SOX6: variants seen among roughly 807,000 people sequenced by gnomAD.
SOX6 encodes the protein transcription factor SOX-6.
In SOX6, 11 loss-of-function variants were observed where a neutral mutation model predicts 97.8. The observed-to-expected ratio is 0.11, with a 90% CI of 0.07 to 0.19. The LOEUF (loss-of-function observed/expected upper bound fraction) is 0.19. Among genes scored for constraint, SOX6 ranks in the 10% least tolerant of loss-of-function variants. The pLI, the probability that SOX6 is intolerant of heterozygous loss-of-function variation, is 1.00. For synonymous variants in SOX6, 360 were observed against 371.4 expected (o/e 0.97, Z 0.35); for missense variants, 810 against 1,039.5 (o/e 0.78, Z 3.04).
At chr11:16,255,775 C>T (rs1853662491) in intron 3 of SOX6, among the ~76,000 whole-genome samples, 1 of 149,978 alleles carries the variant, frequency 6.7e-6, no homozygotes, top group Admixed American at 6.6e-5. Flanking sequence ...AAAAGAAAGC[C>T]AATAAAACCA....
chr11:16,624,435 C>A (rs944665134), intron 3 of SOX6, among the ~76,000 whole-genome samples: 2 of 152,106 alleles, frequency 1.3e-5, no homozygotes, highest in African/African-American at 2.4e-5. Flanking sequence ...ATCTGCCTCC[C>A]AAAGTGCTGG....
At chr11:16,450,667 A>G (rs2133095634) in intron 1 of SOX6, among the ~76,000 whole-genome samples, 1 of 152,362 alleles carries the variant, frequency 6.6e-6, no homozygotes, top group Non-Finnish European at 1.5e-5. Context: ...ATGTGGATCC[A>G]TAAAAATGTC....
At chr11:16,374,724 A>T (rs1481526584) in intron 1 of SOX6, among the ~76,000 whole-genome samples, 2 of 152,064 alleles carry the variant, frequency 1.3e-5, no homozygotes, top group Non-Finnish European at 2.9e-5. Flanking sequence ...TGCCTGTGAT[A>T]AATTTATCCA....
chr11:15,996,182 T>C (rs1854217876), intron 13 of SOX6, among the ~76,000 whole-genome samples: 1 of 152,116 alleles, frequency 6.6e-6, no homozygotes, highest in African/African-American at 2.4e-5. Context: ...AGGTGAAATA[T>C]GGAACAACAA....
At chr11:16,296,848 T>C (rs1855107839) in intron 3 of SOX6, among the ~76,000 whole-genome samples, 1 of 152,010 alleles carries the variant, frequency 6.6e-6, no homozygotes, top group South Asian at 2.1e-4. Flanking sequence ...GGTAATGTTA[T>C]GGGCACAAAG....
At chr11:16,737,174 A>G (rs1468228824) in intron 1 of SOX6, among the ~76,000 whole-genome samples, 1 of 152,236 alleles carries the variant, frequency 6.6e-6, no homozygotes, top group African/African-American at 2.4e-5. Flanking sequence ...GTTCTGAAAC[A>G]GCAGATATGT....
intron 3 of SOX6, among the ~76,000 whole-genome samples, chr11:16,653,877 T>C (rs891916581): frequency 6.6e-6 from 1 of 150,674 alleles, no homozygotes; most frequent in African/African-American, 2.4e-5. Flanking sequence ...TAGAGCTTTA[T>C]ATTTTAACAT....
chr11:16,596,815 A>G (rs1848217081), intron 4 of SOX6, among the ~76,000 whole-genome samples: 2 of 152,190 alleles, frequency 1.3e-5, no homozygotes. Context: ...TTATTACATA[A>G]TTTTCTAATT....
chr11:16,701,207 T>C (rs555959160), intron 3 of SOX6, among the ~76,000 whole-genome samples: 151 of 152,318 alleles, frequency 9.9e-4, no homozygotes, highest in Non-Finnish European at 1.2e-3. Context: ...AGTGTAGACA[T>C]AAAAAGCGTG....
chr11:16,332,247 A>C (rs2134325644), intron 2 of SOX6, among the ~76,000 whole-genome samples: 1 of 152,302 alleles, frequency 6.6e-6, no homozygotes, highest in South Asian at 2.1e-4. Flanking sequence ...GGATTACATT[A>C]GTTTAATCCT....
At chr11:16,238,564 C>A (rs1853094282) in intron 3 of SOX6, among the ~76,000 whole-genome samples, 1 of 152,010 alleles carries the variant, frequency 6.6e-6, no homozygotes, top group Non-Finnish European at 1.5e-5. Context: ...TTTTAAATTA[C>A]TTCTAGTCAG....
intron 3 of SOX6, among the ~76,000 whole-genome samples, chr11:16,620,358 G>T (rs1848527817): frequency 6.6e-6 from 1 of 152,274 alleles, no homozygotes; most frequent in South Asian, 2.1e-4. Flanking sequence ...TGTATCACTG[G>T]TTTTTTCATA....
chr11:16,510,684 G>T (rs1860867642), intron 4 of SOX6, among the ~76,000 whole-genome samples: 1 of 151,842 alleles, frequency 6.6e-6, no homozygotes, highest in African/African-American at 2.4e-5. Flanking sequence ...TAATACCCTG[G>T]CTCTTGCTTC....
intron 3 of SOX6, among the ~76,000 whole-genome samples, chr11:16,634,803 C>T (rs1317900644): frequency 1.3e-5 from 2 of 149,198 alleles, no homozygotes; most frequent in African/African-American, 4.8e-5. Flanking sequence ...CCATAATCCC[C>T]ATGTGTCGTG....
chr11:16,641,309 G>A (rs1044473977), intron 3 of SOX6, among the ~76,000 whole-genome samples: 6 of 152,152 alleles, frequency 3.9e-5, no homozygotes, highest in Non-Finnish European at 5.9e-5. Context: ...TGCATTTGCC[G>A]AGGAGTGCTT....
At chr11:16,560,490 T>C (rs371203289) in intron 4 of SOX6, among the ~76,000 whole-genome samples, 9 of 146,754 alleles carry the variant, frequency 6.1e-5, no homozygotes, top group South Asian at 2.1e-4. Flanking sequence ...TGTTTATACG[T>C]ACATATATGT....
At chr11:16,154,979 C>T (rs902779688) in intron 6 of SOX6, among the ~76,000 whole-genome samples, 10 of 151,834 alleles carry the variant, frequency 6.6e-5, no homozygotes, top group African/African-American at 2.4e-4. Flanking sequence ...ACTATCGCTC[C>T]TTCTTTTCTG....
intron 10 of SOX6, among the ~76,000 whole-genome samples, chr11:16,053,347 G>A (rs928507183): frequency 6.6e-6 from 1 of 152,000 alleles, no homozygotes; most frequent in Non-Finnish European, 1.5e-5. Flanking sequence ...CTTCATCATA[G>A]TTGACAATGG....
chr11:16,666,023 CA>C (rs1847804689), intron 3 of SOX6, among the ~76,000 whole-genome samples: 2 of 152,190 alleles, frequency 1.3e-5, no homozygotes, highest in South Asian at 4.2e-4. Context: ...ATGCAGTGAC[CA>C]AAAACTGAAA....
Sources: allele counts gnomAD v4.1 joint callset (sites outside exome capture counted in the v4.1 genomes callset), GRCh38; gene constraint gnomAD v4.1.1; transcripts MANE v1.5; gene names NCBI Gene and HGNC (gene_info 2026-07-23, HGNC 2026-07-21).